Variants in PTPRD observed in about 807,000 individuals in gnomAD.
PTPRD encodes the protein receptor-type tyrosine-protein phosphatase delta.
Under a neutral mutation model 214.5 loss-of-function variants are expected in PTPRD, and 34 were observed. That is an observed-to-expected ratio of 0.16 (90% CI 0.12 to 0.21). The LOEUF is 0.21. Ranked by LOEUF, PTPRD falls within the 10% of genes least tolerant of loss-of-function variation. The pLI is 1.00. For synonymous variants in PTPRD, 1,128 were observed against 845.7 expected (o/e 1.33, Z -5.79); for missense variants, 2,545 against 2,398.7 (o/e 1.06, Z -1.27).
chr9:8,651,734 T>C (rs1485578480), intron 12 of PTPRD, among the ~76,000 whole-genome samples: 1 of 151,788 alleles, frequency 6.6e-6, no homozygotes, highest in Non-Finnish European at 1.5e-5. Flanking sequence ...TTTTTCTCCC[T>C]CACCGAAATC....
chr9:9,658,657 C>G (rs772739644), intron 7 of PTPRD, among the ~76,000 whole-genome samples: 3 of 152,110 alleles, frequency 2.0e-5, no homozygotes, highest in Non-Finnish European at 4.4e-5. Flanking sequence ...CTGGTCACTT[C>G]TTTCTGAAAA....
At chr9:9,258,643 T>G (rs1259249901) in intron 9 of PTPRD, among the ~76,000 whole-genome samples, 1 of 151,866 alleles carries the variant, frequency 6.6e-6, no homozygotes, top group African/African-American at 2.4e-5. Context: ...TCACCTTTCT[T>G]TTCCAAAATG....
chr9:9,206,462 T>G (rs976533244), intron 9 of PTPRD, among the ~76,000 whole-genome samples: 2 of 152,134 alleles, frequency 1.3e-5, no homozygotes, highest in African/African-American at 4.8e-5. Flanking sequence ...AGTGTCAACT[T>G]GATTGGACTG....
intron 11 of PTPRD, among the ~76,000 whole-genome samples, chr9:8,923,858 G>C (rs1321218265): frequency 6.6e-6 from 1 of 152,142 alleles, no homozygotes; most frequent in Non-Finnish European, 1.5e-5. Flanking sequence ...AGTCATATGT[G>C]ATTTTAAGCT....
chr9:9,989,043 A>C (rs1003581876), intron 4 of PTPRD, among the ~76,000 whole-genome samples: 1 of 148,812 alleles, frequency 6.7e-6, no homozygotes, highest in Non-Finnish European at 1.5e-5. Flanking sequence ...AAAAAAAAAA[A>C]AACCACAGAC....
intron 2 of PTPRD, among the ~76,000 whole-genome samples, chr9:10,341,308 A>G (rs1442447583): frequency 6.6e-6 from 1 of 150,774 alleles, no homozygotes; most frequent in Non-Finnish European, 1.5e-5. Context: ...ATAGTCACAG[A>G]ATATTACCTA....
chr9:8,899,440 C>T (rs887794650), intron 11 of PTPRD, among the ~76,000 whole-genome samples: 1 of 152,118 alleles, frequency 6.6e-6, no homozygotes, highest in Non-Finnish European at 1.5e-5. Context: ...AACTAGAGAT[C>T]GGCATATCTC....
chr9:10,146,298 G>C (rs1200044275), intron 3 of PTPRD, among the ~76,000 whole-genome samples: 1 of 151,824 alleles, frequency 6.6e-6, no homozygotes, highest in Non-Finnish European at 1.5e-5. Flanking sequence ...GAACAATTTA[G>C]TGATACTATC....
At chr9:9,472,163 G>C (rs750855080) in intron 8 of PTPRD, among the ~76,000 whole-genome samples, 7 of 149,894 alleles carry the variant, frequency 4.7e-5, no homozygotes, top group South Asian at 4.2e-4. Flanking sequence ...TAATACATGA[G>C]CATGATAATC....
chr9:8,374,157 G>A (rs1398543160), intron 39 of PTPRD, among the ~76,000 whole-genome samples: 4 of 148,162 alleles, frequency 2.7e-5, no homozygotes, highest in African/African-American at 5.0e-5. Flanking sequence ...TGTGTGTACC[G>A]TATTTTTGCC....
At chr9:9,951,229 TAA>T (rs1051574515) in intron 4 of PTPRD, among the ~76,000 whole-genome samples, 144 of 152,274 alleles carry the variant, frequency 9.5e-4, no homozygotes, top group Non-Finnish European at 1.3e-3. Context: ...AAAAAAGTGA[TAA>T]GTCTTGGGGC....
At chr9:9,122,157 C>T (rs1451753716) in intron 10 of PTPRD, among the ~76,000 whole-genome samples, 4 of 152,088 alleles carry the variant, frequency 2.6e-5, no homozygotes, top group African/African-American at 9.7e-5. Context: ...TATCTGGTTT[C>T]CTGAGATCTT....
At chr9:9,332,006 G>T (rs2042493243) in intron 9 of PTPRD, among the ~76,000 whole-genome samples, 1 of 152,038 alleles carries the variant, frequency 6.6e-6, no homozygotes, top group South Asian at 2.1e-4. Context: ...GGAATAAAAG[G>T]CTATGCTAAT....
At chr9:10,596,305 T>G (rs966186409) in intron 2 of PTPRD, among the ~76,000 whole-genome samples, 1 of 151,652 alleles carries the variant, frequency 6.6e-6, no homozygotes, top group Non-Finnish European at 1.5e-5. Context: ...TGTTAAAATT[T>G]CCCAAAGAAT....
At chr9:9,117,111 G>A (rs541292202) in intron 10 of PTPRD, among the ~76,000 whole-genome samples, 1 of 152,168 alleles carries the variant, frequency 6.6e-6, no homozygotes, top group Admixed American at 6.5e-5. Context: ...TCTGGACACT[G>A]AATAGAAACT....
At chr9:9,031,630 T>C (rs138716371) in intron 10 of PTPRD, among the ~76,000 whole-genome samples, 56 of 152,190 alleles carry the variant, frequency 3.7e-4, no homozygotes. Flanking sequence ...ACGTGGTCCA[T>C]CAGTGACTGG....
At chr9:9,136,762 T>G (rs576939105) in intron 10 of PTPRD, among the ~76,000 whole-genome samples, 1 of 152,328 alleles carries the variant, frequency 6.6e-6, no homozygotes, top group African/African-American at 2.4e-5. Context: ...CATCAATCAT[T>G]ATGTTCTTTG....
At position 9,821,056 on chromosome 9, in the gene PTPRD, T is replaced by C. The variant is rs143634420; in HGVS notation, c.-367-54205A>G. Among the ~76,000 whole-genome samples the C allele has an allele frequency of 1.6e-3, 241 of 152,334 alleles. 2 individuals are homozygous for C. The highest frequency in any genetic ancestry group is 0.013 in the East Asian group (65 of 5,188). ...ATAGGAATAGCACTGAATCTGTATATTGCTTCGGGCAGTATGTCCATTTTA... is the reference window on the plus strand; with the variant it reads ...ATAGGAATAGCACTGAATCTGTATACTGCTTCGGGCAGTATGTCCATTTTA... On this transcript the variant is annotated intron_variant, in intron 5 of 45. Transcript: ENST00000381196.
At chr9:10,424,246 C>G (rs574098922) in intron 2 of PTPRD, among the ~76,000 whole-genome samples, 2 of 151,666 alleles carry the variant, frequency 1.3e-5, no homozygotes, top group South Asian at 4.2e-4. Flanking sequence ...GATTAATAAG[C>G]ATTGGCCAAA....
Sources: allele counts gnomAD v4.1 joint callset (sites outside exome capture counted in the v4.1 genomes callset), GRCh38; gene constraint gnomAD v4.1.1; transcripts MANE v1.5; gene names NCBI Gene and HGNC (gene_info 2026-07-23, HGNC 2026-07-21).